PCLO: variants seen among roughly 807,000 people sequenced by gnomAD.
The protein encoded by PCLO is piccolo presynaptic cytomatrix protein.
Under a neutral mutation model 427.5 loss-of-function variants are expected in PCLO, and 82 were observed. The ratio of observed to expected loss-of-function variants is 0.19; its 90% CI spans 0.16 to 0.23. The LOEUF (loss-of-function observed/expected upper bound fraction) is 0.23. Among genes scored for constraint, PCLO ranks in the 10% least tolerant of loss-of-function variants. The pLI is 1.00. For missense variants in PCLO, 6,239 were observed against 6,115.9 expected (o/e 1.02, Z -0.67); for synonymous variants, 2,357 against 2,155.4 (o/e 1.09, Z -2.59).
chr7:82,895,710 G>C (rs1298391337), intron 9 of PCLO, among the ~76,000 whole-genome samples: 5 of 151,804 alleles, frequency 3.3e-5, no homozygotes, highest in Non-Finnish European at 5.9e-5. Flanking sequence ...ATAAAACATA[G>C]GTGAAATGAA....
chr7:82,831,720 C>T (rs1182705787), intron 16 of PCLO, among the ~76,000 whole-genome samples: 2 of 152,130 alleles, frequency 1.3e-5, no homozygotes, highest in African/African-American at 4.8e-5. Flanking sequence ...AGACCTAAAA[C>T]ATCCTTTAGA....
chr7:83,087,296 C>A (rs1251084257), intron 3 of PCLO, among the ~76,000 whole-genome samples: 1 of 151,360 alleles, frequency 6.6e-6, no homozygotes, highest in East Asian at 1.9e-4. Flanking sequence ...ATTGGAGACT[C>A]AGAAGCAGGG....
intron 20 of PCLO, among the ~76,000 whole-genome samples, chr7:82,812,371 C>T (rs1370132657): frequency 6.6e-6 from 1 of 151,446 alleles, no homozygotes; most frequent in Non-Finnish European, 1.5e-5. Context: ...TACATGTTGG[C>T]TCCGTATACT....
intron 22 of PCLO, among the ~76,000 whole-genome samples, chr7:82,778,810 G>C (rs1790810227): frequency 6.6e-6 from 1 of 151,370 alleles, no homozygotes; most frequent in Non-Finnish European, 1.5e-5. Context: ...CTGGCCATCT[G>C]CTCAGTTTCT....
chr7:82,952,035 T>C lies in PCLO; in HGVS notation c.8918A>G (p.His2973Arg), dbSNP rs1562877967. ...PEDRFGYRDD[H>R]YQYDRSGPYG... ...TGGCCCTGATCGATCATACTGATAG[T>C]GGTCATCCCTATAACCAAAACGATC... The change falls in exon 5 of 25, where the codon CAC becomes CGC. Residue 2973 changes from histidine (H) to arginine (R), a missense_variant. This residue lies in a region of PCLO where 4,677 missense variants were observed against 4,468.4 expected (regional missense o/e 1.05). Coordinates refer to ENST00000333891, the MANE Select transcript of PCLO (RefSeq NM_033026.6). 13 of 1,613,844 alleles carry C rather than the reference T, an allele frequency of 8.1e-6. No homozygotes were observed. Among genetic ancestry groups the C allele is most frequent in the East Asian group, 4.5e-5 (2 of 44,886 alleles).
At chr7:83,008,197 G>A (rs1439544371) in intron 3 of PCLO, among the ~76,000 whole-genome samples, 2 of 151,486 alleles carry the variant, frequency 1.3e-5, no homozygotes, top group African/African-American at 4.8e-5. Flanking sequence ...AATAAAGATT[G>A]TATATTAGCA....
chr7:82,827,857 A>G lies in PCLO; in HGVS notation c.14343+16T>C, dbSNP rs1791985864. 7.4e-7 allele frequency: 1 copy of G among 1,353,154 alleles called. No homozygotes were observed. The highest frequency in any genetic ancestry group is 1.1e-6 in the Non-Finnish European group (1 of 950,242). 83.8% of individuals were successfully genotyped at this position (1,353,154 alleles called of 1,614,324 possible). ...TATTAGCCTAATTCTGTCACCTAGAAATAATCTTGACATACCTGTTCCATG... is the reference window on the plus strand; with the variant it reads ...TATTAGCCTAATTCTGTCACCTAGAGATAATCTTGACATACCTGTTCCATG... On this transcript the variant is annotated intron_variant, in intron 17 of 24. Transcript: ENST00000333891.
intron 22 of PCLO, among the ~76,000 whole-genome samples, chr7:82,788,280 A>G (rs1791026075): frequency 6.8e-6 from 1 of 147,942 alleles, no homozygotes; most frequent in Non-Finnish European, 1.5e-5. Context: ...TAAATTTAAT[A>G]TATATAATTG....
rs1052351310 is a variant in PCLO, at chr7:82,953,223, G to C, written c.7730C>G (p.Thr2577Arg). Residue 2577 changes from threonine to arginine, a missense_variant, in exon 5 of 25, where the codon ACA (threonine) becomes AGA (arginine). By Grantham distance (71) the Thr-to-Arg change is moderately conservative (BLOSUM62 -1). Around this residue, in one of 5 missense-constraint regions of PCLO, gnomAD observed 4,677 missense variants for 4,468.4 expected, o/e 1.05. Coordinates refer to ENST00000333891, the MANE Select transcript of PCLO (RefSeq NM_033026.6). The stretch of plus-strand genomic sequence containing the variant: ...CAATGTAATAACTACATAAGTTTCT[G>C]TGAGGGATTTGGAAAATCTTGGTGA... ...KSSPRFSKSL[T>R]ETYVVITLPS... is the part of the protein sequence containing the mutation. 3.1e-6 allele frequency: 5 copies of C among 1,613,848 alleles called. No homozygotes were observed. Among genetic ancestry groups the C allele is most frequent in the Non-Finnish European group, 4.2e-6 (5 of 1,179,874 alleles).
intron 3 of PCLO, among the ~76,000 whole-genome samples, chr7:83,125,264 G>A (rs1031736919): frequency 2.0e-5 from 3 of 152,022 alleles, no homozygotes; most frequent in African/African-American, 4.8e-5. Flanking sequence ...CCCCATCTGA[G>A]AAGTGGGGAG....
In PCLO at chr7:82,902,673, G is replaced by A; in HGVS notation, c.13506C>T (p.Asp4502=). Residue 4502 remains aspartate, a synonymous_variant, in exon 9 of 25, where the codon GAC becomes GAT. Transcript: ENST00000333891. ...FPHARIKITR[D]SKDHTVSGNG... ...TACCTGAAACTGTGTGATCCTTTGA[G>A]TCTCTTGTTATTTTTATCCTTGCGT... 3.1e-6 allele frequency: 5 copies of A among 1,593,322 alleles called. No homozygotes were observed. Among genetic ancestry groups the A allele is most frequent in the Non-Finnish European group, 4.3e-6 (5 of 1,162,266 alleles).
At chr7:82,861,985 A>C (rs567630914) in intron 10 of PCLO, among the ~76,000 whole-genome samples, 3 of 151,986 alleles carry the variant, frequency 2.0e-5, no homozygotes, top group Non-Finnish European at 4.4e-5. Context: ...GTTTATAGCT[A>C]TAAGTGTCTA....
In PCLO at chr7:82,954,526, C is replaced by T. The variant is rs1795457260; in HGVS notation, c.6427G>A (p.Asp2143Asn). The change falls in exon 5 of 25, where the codon GAT becomes AAT. Residue 2143 changes from aspartate (D) to asparagine (N), a missense_variant. By Grantham distance (23) the Asp-to-Asn change is conservative. Around this residue, in one of 5 missense-constraint regions of PCLO, gnomAD observed 4,677 missense variants for 4,468.4 expected, o/e 1.05. Transcript: ENST00000333891. The stretch of plus-strand genomic sequence containing the variant: ...CTTGTATAATCGGTTACATATTCAT[C>T]CTCAATTTCTTCTGTTGAAAAATGT... ...TQHFSTEEIE[D>N]EYVTDYTREI... 1.9e-6 allele frequency: 3 copies of T among 1,613,940 alleles called. No homozygotes were observed. Among genetic ancestry groups the T allele is most frequent in the Admixed American group, 1.7e-5 (1 of 60,016 alleles).
In PCLO at chr7:82,915,414, T is replaced by C. The variant is rs369940919; in HGVS notation, c.12572A>G (p.His4191Arg). 101 of 1,613,538 alleles carry C rather than the reference T, an allele frequency of 6.3e-5. No homozygotes were observed. The highest frequency in any genetic ancestry group is 1.6e-4 in the Middle Eastern group (1 of 6,080). The change falls in exon 7 of 25, where the codon CAT (histidine) becomes CGT (arginine). Residue 4191 changes from histidine (H) to arginine (R), a missense_variant. By Grantham distance (29) the His-to-Arg change is conservative. Coordinates refer to ENST00000333891, the MANE Select transcript of PCLO (RefSeq NM_033026.6). Reference protein sequence around the residue: ...AAILYQKQSKHKKSLIDPKMS... With the variant: ...AAILYQKQSKRKKSLIDPKMS... The stretch of plus-strand genomic sequence containing the variant: ...TTTAGGGTCAATTAGTGATTTCTTA[T>C]GCTTTGACTGCTTTTGATAAAGTAT...
At chr7:82,962,754 G>C (rs535458070) in intron 4 of PCLO, among the ~76,000 whole-genome samples, 10 of 151,882 alleles carry the variant, frequency 6.6e-5, no homozygotes, top group Admixed American at 6.6e-4. Context: ...AAAGAATAAG[G>C]TTAGGGAGAT....
intron 3 of PCLO, among the ~76,000 whole-genome samples, chr7:83,060,440 G>A (rs909253151): frequency 1.3e-5 from 2 of 152,146 alleles, no homozygotes; most frequent in African/African-American, 4.8e-5. Context: ...ACAAGGGCTA[G>A]AGACCTGCCC....
chr7:83,162,512 G>A lies in PCLO; in HGVS notation c.81C>T (p.Ser27=). Residue 27 remains serine, a synonymous_variant, in exon 1 of 25, where the codon AGC becomes AGT. Transcript: ENST00000333891. ...CGGTGTGAGAGGGGCTCCCCGCCCC[G>A]CTAGCTCCTCCTCCAGCCGCTGCGG... ...AAAAAAGGGA[S]GAGSPSHTAI... is the part of the protein sequence containing the mutation. 6.4e-7 allele frequency: 1 copy of A among 1,562,138 alleles called. No individual in the cohort carries two copies. The highest frequency in any genetic ancestry group is 8.7e-7 in the Non-Finnish European group (1 of 1,154,164).
chr7:82,930,652 T>C (rs1396313069), intron 6 of PCLO, among the ~76,000 whole-genome samples: 1 of 152,166 alleles, frequency 6.6e-6, no homozygotes, highest in East Asian at 1.9e-4. Context: ...ATTTCTTACC[T>C]AAAAAATTAG....
At chr7:82,901,475 G>C (rs965702629) in intron 9 of PCLO, among the ~76,000 whole-genome samples, 3 of 151,978 alleles carry the variant, frequency 2.0e-5, no homozygotes, top group Non-Finnish European at 4.4e-5. Context: ...AATAATCCCA[G>C]CAGAAAACCT....
Sources: allele counts gnomAD v4.1 joint callset (sites outside exome capture counted in the v4.1 genomes callset), GRCh38; gene constraint gnomAD v4.1.1; regional missense constraint gnomAD v4.1.1; transcripts MANE v1.5; gene names NCBI Gene and HGNC (gene_info 2026-07-23, HGNC 2026-07-21).